Variants in PTPRT observed in about 807,000 individuals in gnomAD.
PTPRT encodes protein tyrosine phosphatase receptor type T, also known as receptor-type tyrosine-protein phosphatase T.
A neutral mutation model predicts 176.8 loss-of-function variants in PTPRT; 56 were observed. The observed-to-expected ratio is 0.32, with a 90% confidence interval of 0.26 to 0.40. PTPRT has a LOEUF of 0.40. Among genes scored for constraint, PTPRT ranks in the 10% least tolerant of loss-of-function variants. PTPRT has a pLI of 1.00. For missense variants in PTPRT, 1,540 were observed against 1,908.2 expected, an observed-to-expected ratio of 0.81 and a Z score of 3.60; for synonymous variants, 783 against 739.0, an observed-to-expected ratio of 1.06 and a Z score of -0.96.
chr20:43,006,904 C>A (rs1984882804), intron 1 of PTPRT, among the ~76,000 whole-genome samples: 1 of 152,144 alleles, frequency 6.6e-6, no homozygotes, highest in Non-Finnish European at 1.5e-5. Context: ...AGAGTCTGCA[C>A]AGAAGTCCCT....
At chr20:42,830,203 T>C (rs1169540266) in intron 2 of PTPRT, among the ~76,000 whole-genome samples, 3 of 152,132 alleles carry the variant, frequency 2.0e-5, no homozygotes, top group Non-Finnish European at 4.4e-5. Context: ...CTCAGCAAAA[T>C]ACTTGCAAAC....
At chr20:42,471,886 A>T (rs1294699127) in intron 8 of PTPRT, among the ~76,000 whole-genome samples, 1 of 152,046 alleles carries the variant, frequency 6.6e-6, no homozygotes, top group Admixed American at 6.5e-5. Context: ...CAAACTCCTG[A>T]GATAGGCAAT....
chr20:42,598,232 T>A (rs2073709770), intron 7 of PTPRT, among the ~76,000 whole-genome samples: 2 of 152,186 alleles, frequency 1.3e-5, no homozygotes, highest in Non-Finnish European at 2.9e-5. Flanking sequence ...CACTTATATT[T>A]ATATATAACT....
At chr20:42,202,220 T>C (rs998991330) in intron 15 of PTPRT, among the ~76,000 whole-genome samples, 10 of 152,194 alleles carry the variant, frequency 6.6e-5, no homozygotes, top group African/African-American at 2.2e-4. Flanking sequence ...TCCGCCTGCA[T>C]TGGCCTCCCA....
chr20:42,782,125 A>T (rs6030467), intron 3 of PTPRT, among the ~76,000 whole-genome samples: 14,215 of 152,096 alleles, frequency 0.093, 745 homozygotes, highest in South Asian at 0.24. Context: ...TAGACTCTCC[A>T]TTTCTGGGTC....
At chr20:42,038,910 G>C in the PTPRT span, among the ~76,000 whole-genome samples, 1 of 152,176 alleles carries the variant, frequency 6.6e-6, no homozygotes, top group African/African-American at 2.4e-5. Flanking sequence ...GGCATTATTA[G>C]GAAGGCACTT....
chr20:42,535,468 T>G (rs1014961700), intron 7 of PTPRT, among the ~76,000 whole-genome samples: 4 of 152,172 alleles, frequency 2.6e-5, no homozygotes, highest in African/African-American at 7.2e-5. Context: ...CCCCAGAGCC[T>G]ATAAAATAAA....
chr20:43,119,164 C>A (rs2013165264), intron 1 of PTPRT, among the ~76,000 whole-genome samples: 1 of 152,082 alleles, frequency 6.6e-6, no homozygotes. Flanking sequence ...AACTAGAAAA[C>A]AACACAGTGG....
At chr20:42,855,280 T>A (rs570628247) in intron 2 of PTPRT, among the ~76,000 whole-genome samples, 1 of 152,182 alleles carries the variant, frequency 6.6e-6, no homozygotes, top group African/African-American at 2.4e-5. Context: ...AGAACCTCCA[T>A]CTTCAAAGTT....
chr20:42,935,587 A>G (rs978725556), intron 1 of PTPRT, among the ~76,000 whole-genome samples: 3 of 152,182 alleles, frequency 2.0e-5, no homozygotes, highest in Admixed American at 6.5e-5. Flanking sequence ...GAAAATTATG[A>G]TCAGAGCCTC....
chr20:42,516,810 A>G (rs1011228501), intron 7 of PTPRT, among the ~76,000 whole-genome samples: 2 of 152,196 alleles, frequency 1.3e-5, no homozygotes, highest in Admixed American at 1.3e-4. Context: ...TTCTTATTAT[A>G]GAAACATTGG....
intron 9 of PTPRT, among the ~76,000 whole-genome samples, chr20:42,430,143 G>A (rs1407826019): frequency 2.0e-5 from 3 of 152,204 alleles, no homozygotes; most frequent in Non-Finnish European, 2.9e-5. Context: ...TCTAACCCAT[G>A]AGCAAGGTCC....
At chr20:42,321,809 C>T (rs886732136) in intron 11 of PTPRT, among the ~76,000 whole-genome samples, 24 of 152,212 alleles carry the variant, frequency 1.6e-4, no homozygotes, top group South Asian at 1.2e-3. Flanking sequence ...TAAGGTCGAG[C>T]GCGGTGGCTC....
intron 6 of PTPRT, among the ~76,000 whole-genome samples, chr20:42,752,224 T>G (rs2076779367): frequency 6.6e-6 from 1 of 152,146 alleles, no homozygotes; most frequent in East Asian, 1.9e-4. Flanking sequence ...GTCTGATAAA[T>G]CCCACCCCTA....
chr20:43,073,333 T>C (rs2011206448), intron 1 of PTPRT, among the ~76,000 whole-genome samples: 1 of 152,162 alleles, frequency 6.6e-6, no homozygotes, highest in Non-Finnish European at 1.5e-5. Context: ...CTGTCTCTTA[T>C]TTCAATGTGC....
intron 12 of PTPRT, among the ~76,000 whole-genome samples, chr20:42,291,020 C>A (rs1037389900): frequency 6.6e-6 from 1 of 152,106 alleles, no homozygotes; most frequent in African/African-American, 2.4e-5. Context: ...CCATAGTTTT[C>A]AAATAGTTTT....
chr20:42,444,544 T>G (rs1490497377), intron 9 of PTPRT, among the ~76,000 whole-genome samples: 1 of 152,172 alleles, frequency 6.6e-6, no homozygotes, highest in Non-Finnish European at 1.5e-5. Context: ...CTGAACCACT[T>G]GGACCTGCTG....
chr20:42,090,795 C>T (rs1028079583), intron 27 of PTPRT, among the ~76,000 whole-genome samples: 1 of 152,184 alleles, frequency 6.6e-6, no homozygotes, highest in African/African-American at 2.4e-5. Flanking sequence ...ACGTAGCTGA[C>T]CTAAAGGCCA....
intron 7 of PTPRT, among the ~76,000 whole-genome samples, chr20:42,537,583 A>C (rs2207886): frequency 0.23 from 35,268 of 152,024 alleles, 4,987 homozygotes; most frequent in African/African-American, 0.4. Flanking sequence ...TTAGTAAGGC[A>C]CAGAGCCAGG....
Sources: allele counts gnomAD v4.1 joint callset (sites outside exome capture counted in the v4.1 genomes callset), GRCh38; gene constraint gnomAD v4.1.1; transcripts MANE v1.5; gene names NCBI Gene and HGNC (gene_info 2026-07-23, HGNC 2026-07-21).